Variants in UNC5C observed in about 807,000 individuals in gnomAD.
UNC5C encodes the protein unc-5 netrin receptor C.
A neutral mutation model predicts 99.8 loss-of-function variants in UNC5C; 47 were observed. The ratio of observed to expected loss-of-function variants is 0.47; its 90% CI spans 0.37 to 0.60. The LOEUF (loss-of-function observed/expected upper bound fraction) is 0.60. Ranked by LOEUF, UNC5C falls within the 20% of genes least tolerant of loss-of-function variation. The pLI, the probability that UNC5C is intolerant of heterozygous loss-of-function variation, is 0.00. For missense variants in UNC5C, 1,062 were observed against 1,165.9 expected, an observed-to-expected ratio of 0.91 and a Z score of 1.30; for synonymous variants, 487 against 452.2, an observed-to-expected ratio of 1.08 and a Z score of -0.98.
chr4:95,362,155 T>C (rs745586969), intron 1 of UNC5C, among the ~76,000 whole-genome samples: 12 of 152,226 alleles, frequency 7.9e-5, no homozygotes, highest in Admixed American at 2.0e-4. Context: ...CATCTTGTTT[T>C]TCCTTTTTCT....
intron 11 of UNC5C, among the ~76,000 whole-genome samples, chr4:95,205,143 G>T (rs1737827488): frequency 6.6e-6 from 1 of 152,146 alleles, no homozygotes; most frequent in Non-Finnish European, 1.5e-5. Flanking sequence ...TCACTCACAA[G>T]TACAAGGGGG....
chr4:95,453,407 G>A (rs1560838586), intron 1 of UNC5C, among the ~76,000 whole-genome samples: 2 of 151,702 alleles, frequency 1.3e-5, no homozygotes, highest in Non-Finnish European at 2.9e-5. Flanking sequence ...AGTATATTCT[G>A]GAGCCAATTC....
intron 3 of UNC5C, among the ~76,000 whole-genome samples, chr4:95,286,690 TG>T (rs1333834188): frequency 2.0e-5 from 3 of 152,144 alleles, no homozygotes; most frequent in Non-Finnish European, 4.4e-5. Context: ...GACACCTACC[TG>T]GGTTGTCTTT....
intron 14 of UNC5C, among the ~76,000 whole-genome samples, chr4:95,182,518 G>A: frequency 6.6e-6 from 1 of 152,090 alleles, no homozygotes; most frequent in East Asian, 1.9e-4. Context: ...CAGAAAGGGA[G>A]GAGAGACAGA....
intron 1 of UNC5C, among the ~76,000 whole-genome samples, chr4:95,345,900 T>C (rs1294391053): frequency 6.6e-6 from 1 of 151,708 alleles, no homozygotes; most frequent in East Asian, 1.9e-4. Context: ...ATCTGAAAAG[T>C]AGAAAAACTT....
intron 13 of UNC5C, 62 bp downstream of exon 13, chr4:95,184,985 A>ATAATT (rs1736772684): frequency 6.8e-7 from 1 of 1,465,662 alleles, no homozygotes; most frequent in East Asian, 2.4e-5. Flanking sequence ...CTATGTCTAT[A>ATAATT]TAATTTTAGA....
intron 1 of UNC5C, among the ~76,000 whole-genome samples, chr4:95,497,473 A>C (rs921093529): frequency 6.6e-6 from 1 of 151,934 alleles, no homozygotes; most frequent in African/African-American, 2.4e-5. Flanking sequence ...TTCAATGATC[A>C]TTCACCTGGG....
intron 1 of UNC5C, among the ~76,000 whole-genome samples, chr4:95,384,659 GGAAAATGACAAGTCCA>G (rs1290474687): frequency 6.6e-6 from 1 of 152,026 alleles, no homozygotes; most frequent in East Asian, 1.9e-4. Context: ...TTTTTCAGGG[GGAAAATGACAAGTCCA>G]GATTTCCATT....
At chr4:95,192,947 T>G (rs1303840606) in intron 12 of UNC5C, among the ~76,000 whole-genome samples, 2 of 152,220 alleles carry the variant, frequency 1.3e-5, no homozygotes, top group African/African-American at 4.8e-5. Flanking sequence ...TTTTCTGTCT[T>G]TCTTTTCTTT....
rs1464838391 is a variant in UNC5C at position 95,167,889 on chromosome 4, A to T, written c.*1345T>A. 2 of 152,190 alleles carry T rather than the reference A, an allele frequency of 1.3e-5. No individual in the cohort carries two copies. The highest frequency in any genetic ancestry group is 2.9e-5 in the Non-Finnish European group (2 of 68,044). The allele number at this position is 152,190 out of a possible 1,614,324, so 9.4% of individuals were successfully genotyped here. On this transcript the variant is annotated 3_prime_UTR_variant, in exon 16 of 16. Coordinates refer to ENST00000453304, the MANE Select transcript of UNC5C (RefSeq NM_003728.4). ...ATGAGACTGGAGGCATCACGGTGGA[A>T]GTTGAGCATTTCAGAACTTGGAGAT...
intron 1 of UNC5C, among the ~76,000 whole-genome samples, chr4:95,352,184 A>C (rs1744015282): frequency 6.6e-6 from 1 of 152,070 alleles, no homozygotes; most frequent in Non-Finnish European, 1.5e-5. Context: ...ACTCCTTACT[A>C]AGGCCGAAAA....
At chr4:95,363,665 T>A (rs1744464654) in intron 1 of UNC5C, among the ~76,000 whole-genome samples, 1 of 152,142 alleles carries the variant, frequency 6.6e-6, no homozygotes, top group African/African-American at 2.4e-5. Context: ...GCCAAGTTAG[T>A]TCATTGTTTA....
chr4:95,428,269 C>T (rs1483749), intron 1 of UNC5C, among the ~76,000 whole-genome samples: 40,208 of 151,992 alleles, frequency 0.26, 5,498 homozygotes, highest in Middle Eastern at 0.32. Flanking sequence ...GCCACCACAT[C>T]GTAATCTTGG....
At position 95,164,122 on chromosome 4, in the gene UNC5C, G is replaced by C. The variant is rs1735776347; in HGVS notation, c.*5112C>G. 1 of 152,126 alleles carries C rather than the reference G, an allele frequency of 6.6e-6. No homozygotes were observed. Among genetic ancestry groups the C allele is most frequent in the Non-Finnish European group, 1.5e-5 (1 of 68,022 alleles). 9.4% of individuals were successfully genotyped at this position (152,126 alleles called of 1,614,324 possible). Reference sequence around the variant, plus strand: ...TTTATGAAAATGGGGTAAGCACAAGGCTGATAAAACTAAAGGATCTGGAAG... The same window carrying C: ...TTTATGAAAATGGGGTAAGCACAAGCCTGATAAAACTAAAGGATCTGGAAG... On this transcript the variant is annotated 3_prime_UTR_variant, in exon 16 of 16. Transcript: ENST00000453304.
At chr4:95,453,167 AC>A (rs1747324302) in intron 1 of UNC5C, among the ~76,000 whole-genome samples, 1 of 152,130 alleles carries the variant, frequency 6.6e-6, no homozygotes, top group African/African-American at 2.4e-5. Context: ...CAGACTAAGC[AC>A]CAATGCTTTG....
chr4:95,270,455 T>G (rs1469164461), intron 4 of UNC5C, among the ~76,000 whole-genome samples: 1 of 152,148 alleles, frequency 6.6e-6, no homozygotes. Context: ...AAATACCAAG[T>G]GGAAACTAGT....
At chr4:95,362,288 T>G (rs543265333) in intron 1 of UNC5C, among the ~76,000 whole-genome samples, 7 of 152,278 alleles carry the variant, frequency 4.6e-5, no homozygotes, top group Admixed American at 2.0e-4. Context: ...ACCACAATTA[T>G]TGGTTCAGGA....
At chr4:95,292,236 C>T (rs868274859) in intron 3 of UNC5C, among the ~76,000 whole-genome samples, 130 of 88,702 alleles carry the variant, frequency 1.5e-3, no homozygotes, top group African/African-American at 2.2e-3. Flanking sequence ...CACACACACA[C>T]ATATATATAT....
At chr4:95,413,657 C>T (rs1332236363) in intron 1 of UNC5C, among the ~76,000 whole-genome samples, 3 of 152,232 alleles carry the variant, frequency 2.0e-5, no homozygotes, top group Non-Finnish European at 1.5e-5. Flanking sequence ...TGTTCTACCT[C>T]ATTTTTGTTC....
Sources: gnomAD v4.1 joint callset for allele counts (sites outside exome capture counted in the v4.1 genomes callset) on GRCh38, gnomAD v4.1.1 for gene constraint, MANE v1.5 for transcripts, NCBI Gene and HGNC (gene_info 2026-07-23, HGNC 2026-07-21) for gene names.